Variants in PTPRK observed in about 807,000 individuals in gnomAD.
PTPRK encodes receptor-type tyrosine-protein phosphatase kappa.
Under a neutral mutation model 178.0 loss-of-function variants are expected in PTPRK, and 75 were observed. That is an observed-to-expected ratio of 0.42 (90% CI 0.35 to 0.51). PTPRK has a LOEUF of 0.51. PTPRK is among the 20% of genes least tolerant of loss of function. PTPRK has a pLI of 0.02. For missense variants in PTPRK, 1,441 were observed against 1,797.8 expected (o/e 0.80, Z 3.59); for synonymous variants, 637 against 620.6 (o/e 1.03, Z -0.39).
chr6:128,014,716 G>C (rs536879290), intron 13 of PTPRK, among the ~76,000 whole-genome samples: 3 of 151,508 alleles, frequency 2.0e-5, no homozygotes, highest in Non-Finnish European at 4.4e-5. Context: ...TACAATGACA[G>C]GTTTTGTAAA....
At chr6:128,083,868 G>A in intron 8 of PTPRK, 44 bp from the exon 9 acceptor site, 1 of 1,085,444 alleles carries the variant, frequency 9.2e-7, no homozygotes, top group Non-Finnish European at 1.3e-6. Context: ...GCTTACATTA[G>A]AAACAGAAAA....
intron 1 of PTPRK, among the ~76,000 whole-genome samples, chr6:128,448,647 CTGTT>C (rs949368774): frequency 6.6e-6 from 1 of 152,142 alleles, no homozygotes; most frequent in Non-Finnish European, 1.5e-5. Flanking sequence ...ATTTTCTAAT[CTGTT>C]TGGGATGAGA....
intron 13 of PTPRK, among the ~76,000 whole-genome samples, chr6:128,015,865 A>T (rs1361729274): frequency 6.6e-6 from 1 of 151,810 alleles, no homozygotes; most frequent in Admixed American, 6.6e-5. Flanking sequence ...CATACCCACC[A>T]GCAGCGTATG....
chr6:128,181,585 T>C (rs1043298764), intron 7 of PTPRK, among the ~76,000 whole-genome samples: 3 of 152,110 alleles, frequency 2.0e-5, no homozygotes, highest in African/African-American at 7.2e-5. Context: ...AGGTTATTTT[T>C]GGAGTCTCAA....
At chr6:128,279,404 G>A (rs887811277) in intron 3 of PTPRK, among the ~76,000 whole-genome samples, 1 of 152,080 alleles carries the variant, frequency 6.6e-6, no homozygotes, top group Non-Finnish European at 1.5e-5. Flanking sequence ...TCCAGCATTA[G>A]ATACCTTTAA....
At chr6:128,369,513 A>C (rs1009447031) in intron 2 of PTPRK, among the ~76,000 whole-genome samples, 1 of 152,106 alleles carries the variant, frequency 6.6e-6, no homozygotes, top group African/African-American at 2.4e-5. Flanking sequence ...ACTATTCTTT[A>C]TTCTTAAATT....
At chr6:128,434,272 G>A (rs1029324297) in intron 1 of PTPRK, among the ~76,000 whole-genome samples, 2 of 152,144 alleles carry the variant, frequency 1.3e-5, no homozygotes, top group African/African-American at 4.8e-5. Context: ...GTATAATTGT[G>A]GACTTTTCTC....
intron 1 of PTPRK, among the ~76,000 whole-genome samples, chr6:128,418,698 C>T (rs1000126871): frequency 3.3e-5 from 5 of 152,054 alleles, no homozygotes; most frequent in African/African-American, 9.7e-5. Flanking sequence ...ATATGTCCAC[C>T]GTATCCAGAT....
At chr6:128,515,984 G>T (rs1857951151) in intron 1 of PTPRK, among the ~76,000 whole-genome samples, 5 of 152,036 alleles carry the variant, frequency 3.3e-5, no homozygotes, top group South Asian at 2.1e-4. Flanking sequence ...TACCTTAAAG[G>T]CCAGAAAAAC....
At chr6:128,256,411 A>T (rs1001850109) in intron 3 of PTPRK, among the ~76,000 whole-genome samples, 1 of 152,142 alleles carries the variant, frequency 6.6e-6, no homozygotes, top group African/African-American at 2.4e-5. Flanking sequence ...GCAATAATGT[A>T]AAACAAGAGA....
At chr6:128,261,792 A>C (rs1003625343) in intron 3 of PTPRK, among the ~76,000 whole-genome samples, 4 of 152,196 alleles carry the variant, frequency 2.6e-5, no homozygotes, top group Non-Finnish European at 5.9e-5. Flanking sequence ...AAATTTGGGC[A>C]ATAGCTTTTG....
chr6:128,310,726 G>T (rs770266431), intron 3 of PTPRK, among the ~76,000 whole-genome samples: 1 of 152,186 alleles, frequency 6.6e-6, no homozygotes, highest in African/African-American at 2.4e-5. Flanking sequence ...CTGAGTGAAT[G>T]CCATTTATTA....
rs759561393 is a variant in PTPRK at position 128,184,669 on chromosome 6, G to A, written c.925C>T (p.Leu309=). The change falls in exon 7 of 30, where the codon CTG becomes TTG. Residue 309 remains leucine, a synonymous_variant. Coordinates refer to ENST00000368226, the MANE Select transcript of PTPRK (RefSeq NM_002844.4). Reference sequence around the variant, plus strand: ...ATCGAGTTGGCATTTAGTTGGATCAGCAAATATGTAGGCCCAACACCAAGA... The same window carrying A: ...ATCGAGTTGGCATTTAGTTGGATCAACAAATATGTAGGCCCAACACCAAGA... ...QLLGVGPTYL[L]IQLNANSIIG... 3 of 1,614,024 alleles carry A rather than the reference G, an allele frequency of 1.9e-6. No homozygotes were observed. The Admixed American group carries it at 5.0e-5, about 27-fold the overall frequency.
chr6:128,082,298 T>G, intron 10 of PTPRK, 139 bp downstream of exon 10: 1 of 711,084 alleles, frequency 1.4e-6, no homozygotes, highest in Non-Finnish European at 2.3e-6. Context: ...TTATTTAAAG[T>G]GCTTTCATTT....
intron 2 of PTPRK, among the ~76,000 whole-genome samples, chr6:128,328,439 G>A (rs1829853175): frequency 1.3e-5 from 2 of 152,158 alleles, no homozygotes; most frequent in Admixed American, 6.6e-5. Context: ...AATTGAGGCA[G>A]CACTAGTTCT....
chr6:128,159,418 A>G (rs548028302), intron 7 of PTPRK, among the ~76,000 whole-genome samples: 1 of 152,022 alleles, frequency 6.6e-6, no homozygotes, highest in African/African-American at 2.4e-5. Flanking sequence ...TCCCAGTAAA[A>G]GAACCTATCA....
At chr6:128,325,703 G>A (rs572567051) in intron 2 of PTPRK, among the ~76,000 whole-genome samples, 7 of 152,138 alleles carry the variant, frequency 4.6e-5, no homozygotes, top group Admixed American at 4.6e-4. Flanking sequence ...GAAATAGGAT[G>A]TTTTTACACT....
intron 3 of PTPRK, among the ~76,000 whole-genome samples, chr6:128,274,081 A>AT (rs112112540): frequency 0.038 from 5,830 of 152,180 alleles, 374 homozygotes; most frequent in African/African-American, 0.13. Context: ...CAAGGTACAG[A>AT]TTTTTCCTCT....
chr6:128,107,542 T>C (rs192706812), intron 7 of PTPRK, among the ~76,000 whole-genome samples: 67 of 152,304 alleles, frequency 4.4e-4, no homozygotes, highest in Admixed American at 1.2e-3. Flanking sequence ...TTCTTCAAGG[T>C]CTTTAAAATT....
Sources: allele counts gnomAD v4.1 joint callset (sites outside exome capture counted in the v4.1 genomes callset), GRCh38; gene constraint gnomAD v4.1.1; transcripts MANE v1.5; gene names NCBI Gene and HGNC (gene_info 2026-07-23, HGNC 2026-07-21).